ANO10: variants seen among roughly 807,000 people sequenced by gnomAD.
ANO10 encodes the protein anoctamin-10.
A neutral mutation model predicts 74.7 loss-of-function variants in ANO10; 77 were observed. The observed-to-expected ratio is 1.03, with a 90% CI of 0.86 to 1.25. The LOEUF (loss-of-function observed/expected upper bound fraction) is 1.25, where lower values mean the gene tolerates loss of function less well. Ranked by LOEUF, ANO10 falls within the 50% of genes most tolerant of loss-of-function variation. ANO10 has a pLI of 0.00. For synonymous variants in ANO10, 279 were observed against 284.9 expected (o/e 0.98, Z 0.21); for missense variants, 721 against 778.1 (o/e 0.93, Z 0.87).
At chr3:43,486,048 C>T (rs548200479) in intron 11 of ANO10, among the ~76,000 whole-genome samples, 1 of 152,336 alleles carries the variant, frequency 6.6e-6, no homozygotes, top group East Asian at 1.9e-4. Context: ...GCAAAGCTGT[C>T]TCTTGTTGGG....
intron 12 of ANO10, among the ~76,000 whole-genome samples, chr3:43,401,491 T>A (rs2092481528): frequency 2.0e-5 from 3 of 152,188 alleles, no homozygotes; most frequent in Admixed American, 2.0e-4. Context: ...ATGCTTAGAT[T>A]CTCTTATTAA....
chr3:43,404,438 C>G (rs1306717839), intron 12 of ANO10, among the ~76,000 whole-genome samples: 1 of 152,174 alleles, frequency 6.6e-6, no homozygotes, highest in African/African-American at 2.4e-5. Context: ...AAAGCCCCAG[C>G]TGACATCTTA....
intron 11 of ANO10, among the ~76,000 whole-genome samples, chr3:43,511,864 G>T (rs2077520014): frequency 6.6e-6 from 1 of 152,166 alleles, no homozygotes; most frequent in Non-Finnish European, 1.5e-5. Flanking sequence ...CAAGAGCACT[G>T]GCTCCAGGCA....
intron 7 of ANO10, 87 bp from the exon 8 acceptor site, chr3:43,565,814 A>G (rs1373919238): frequency 7.0e-7 from 1 of 1,437,770 alleles, no homozygotes; most frequent in East Asian, 2.5e-5. Flanking sequence ...TTAAAAATGT[A>G]ATGGGAGCGG....
intron 1 of ANO10, among the ~76,000 whole-genome samples, chr3:43,628,947 C>T (rs2083518793): frequency 1.3e-5 from 2 of 152,166 alleles, no homozygotes; most frequent in African/African-American, 4.8e-5. Flanking sequence ...GTGATCTCGC[C>T]CTGCCTCCAT....
chr3:43,586,870 A>C (rs750585779), intron 4 of ANO10, among the ~76,000 whole-genome samples: 12 of 152,170 alleles, frequency 7.9e-5, no homozygotes, highest in Non-Finnish European at 1.6e-4. Flanking sequence ...CAAAAAAAGG[A>C]AAGACTGAAA....
chr3:43,383,641 T>G, intron 12 of ANO10, among the ~76,000 whole-genome samples: 1 of 152,120 alleles, frequency 6.6e-6, no homozygotes, highest in African/African-American at 2.4e-5. Flanking sequence ...TCAATAAATG[T>G]GATACACCAC....
intron 11 of ANO10, among the ~76,000 whole-genome samples, chr3:43,504,253 TA>T (rs1021307938): frequency 6.6e-6 from 1 of 151,412 alleles, no homozygotes; most frequent in African/African-American, 2.4e-5. Flanking sequence ...AGGCGACAAG[TA>T]AAACTCCGCC....
At chr3:43,686,476 G>T (rs994838711) in intron 1 of ANO10, among the ~76,000 whole-genome samples, 1 of 151,994 alleles carries the variant, frequency 6.6e-6, no homozygotes, top group Non-Finnish European at 1.5e-5. Context: ...GGTAGAGATG[G>T]GGTCTTGCCA....
rs1171825605 is a variant in ANO10, at chr3:43,516,603, G to T, written c.1797+33117C>A. Among the ~76,000 whole-genome samples the T allele has an allele frequency of 2.0e-5, 3 of 152,254 alleles. No homozygotes were observed. The East Asian group carries it at 5.8e-4, about 29-fold the overall frequency. Reference sequence around the variant, plus strand: ...ACCGTGCTTCACACATATTAGACTGGAGAGAAAGAAACTGAAGTCAAGGAT... The same window carrying T: ...ACCGTGCTTCACACATATTAGACTGTAGAGAAAGAAACTGAAGTCAAGGAT... On this transcript the variant is annotated intron_variant, in intron 11 of 12. Transcript: ENST00000292246.
intron 11 of ANO10, among the ~76,000 whole-genome samples, chr3:43,477,222 G>A (rs144588903): frequency 1.2e-4 from 18 of 152,264 alleles, no homozygotes; most frequent in African/African-American, 4.3e-4. Flanking sequence ...AGAAGATACA[G>A]TATTATTGTA....
intron 4 of ANO10, among the ~76,000 whole-genome samples, chr3:43,591,005 G>A (rs990478507): frequency 6.6e-5 from 10 of 152,194 alleles, no homozygotes; most frequent in East Asian, 1.9e-4. Context: ...ATCATCTGTC[G>A]CCTGAGAGCA....
chr3:43,520,472 T>C lies in ANO10; in HGVS notation c.1797+29248A>G, dbSNP rs549932701. Among the ~76,000 whole-genome samples, 4 of 152,226 alleles carry C rather than the reference T, an allele frequency of 2.6e-5. No homozygotes were observed. In the East Asian group the frequency reaches 7.7e-4, roughly 29 times the overall value. ...CAGCATGGAGTCCAAACTTCATCCT[T>C]TTACATGTGGATATCCAGCTGTTTG... On this transcript the variant is annotated intron_variant, in intron 11 of 12. Coordinates refer to ENST00000292246, the MANE Select transcript of ANO10 (RefSeq NM_018075.5).
chr3:43,422,137 G>A (rs2092828519), intron 12 of ANO10, among the ~76,000 whole-genome samples: 1 of 152,126 alleles, frequency 6.6e-6, no homozygotes, highest in African/African-American at 2.4e-5. Flanking sequence ...TGTTTTTTGA[G>A]ATGGAGTCTC....
In ANO10 at chr3:43,598,625, T is replaced by C. The variant is rs745311004; in HGVS notation, c.379A>G (p.Ile127Val). 1 of 1,610,946 alleles carries C rather than the reference T, an allele frequency of 6.2e-7. No homozygotes were observed. The highest frequency in any genetic ancestry group is 2.2e-5 in the East Asian group (1 of 44,702). Residue 127 changes from isoleucine to valine, a missense_variant, in exon 4 of 13, where the codon ATT (isoleucine) becomes GTT (valine). Physicochemically the swap from Ile to Val is conservative, Grantham distance 29. Coordinates refer to ENST00000292246, the MANE Select transcript of ANO10 (RefSeq NM_018075.5). ...AGATTTTCAAGTTCATGTTTGATAA[T>C]GAATTGACATTCTGCCATTGTCAGG... ...DFLTMAECQF[I>V]IKHELENLRA...
intron 12 of ANO10, among the ~76,000 whole-genome samples, chr3:43,408,758 A>G (rs2092619002): frequency 2.0e-5 from 3 of 152,178 alleles, no homozygotes. Flanking sequence ...GGCCAGGCAC[A>G]GTGGCTCACG....
chr3:43,673,960 GA>G (rs2084090619), intron 1 of ANO10, among the ~76,000 whole-genome samples: 1 of 152,146 alleles, frequency 6.6e-6, no homozygotes, highest in Non-Finnish European at 1.5e-5. Flanking sequence ...TAATAAGTCA[GA>G]AAAGTCACAT....
chr3:43,366,064 C>T lies in ANO10; in HGVS notation c.*842G>A, dbSNP rs1006028561. The stretch of plus-strand genomic sequence containing the variant: ...AGGAGGGCCCTTTTCTCTGCAAGCC[C>T]AAGCCCAGGCCAGGGCACCAGGAGT... On this transcript the variant is annotated 3_prime_UTR_variant, in exon 13 of 13. Coordinates refer to ENST00000292246, the MANE Select transcript of ANO10 (RefSeq NM_018075.5). 1 of 152,766 alleles carries T rather than the reference C, an allele frequency of 6.5e-6. No individual in the cohort carries two copies. The highest frequency in any genetic ancestry group is 1.5e-5 in the Non-Finnish European group (1 of 68,474). 9.5% of individuals were successfully genotyped at this position (152,766 alleles called of 1,614,324 possible).
intron 11 of ANO10, among the ~76,000 whole-genome samples, chr3:43,450,910 T>C (rs888272157): frequency 3.9e-5 from 6 of 152,214 alleles, no homozygotes; most frequent in African/African-American, 1.4e-4. Flanking sequence ...TTTCTATAAA[T>C]GGATTAGGTA....
Sources: gnomAD v4.1 joint callset for allele counts (sites outside exome capture counted in the v4.1 genomes callset) on GRCh38, gnomAD v4.1.1 for gene constraint, MANE v1.5 for transcripts, NCBI Gene and HGNC (gene_info 2026-07-23, HGNC 2026-07-21) for gene names.